Variants in GAPVD1 observed in about 807,000 individuals in gnomAD.
The protein encoded by GAPVD1 is GTPase activating protein and VPS9 domains 1, also known as GTPase-activating protein and VPS9 domain-containing protein 1.
A neutral mutation model predicts 155.5 loss-of-function variants in GAPVD1; 35 were observed. The observed-to-expected ratio is 0.23, with a 90% CI of 0.17 to 0.30. The LOEUF (loss-of-function observed/expected upper bound fraction) is 0.30. Among genes scored for constraint, GAPVD1 ranks in the 10% least tolerant of loss-of-function variants. The probability of loss-of-function intolerance (pLI) is 1.00; values close to 1 mark genes in which losing one functional copy is unlikely to be tolerated. For missense variants in GAPVD1, 1,429 were observed against 1,775.7 expected (o/e 0.80, Z 3.51); for synonymous variants, 636 against 619.7 (o/e 1.03, Z -0.39).
chr9:125,286,489 C>G (rs1290899338), intron 2 of GAPVD1, among the ~76,000 whole-genome samples: 1 of 150,838 alleles, frequency 6.6e-6, no homozygotes, highest in Non-Finnish European at 1.5e-5. Context: ...TTTTTTTTTA[C>G]TACAGAGAAA....
At chr9:125,311,128 A>G (rs1368638027) in intron 8 of GAPVD1, among the ~76,000 whole-genome samples, 1 of 152,132 alleles carries the variant, frequency 6.6e-6, no homozygotes, top group African/African-American at 2.4e-5. Flanking sequence ...GGTGTGAGCC[A>G]CTACACCCAG....
intron 1 of GAPVD1, chr9:125,263,528 GT>G (rs74902151): frequency 0.06 from 38,582 of 647,252 alleles, no homozygotes; most frequent in East Asian, 0.076. Context: ...AAGAACTGTT[GT>G]TTTTTTTTTT....
intron 25 of GAPVD1, among the ~76,000 whole-genome samples, chr9:125,356,505 CTTTT>C (rs749766488): frequency 2.3e-4 from 35 of 151,944 alleles, no homozygotes; most frequent in Middle Eastern, 3.4e-3. Context: ...TTTTTCTTTT[CTTTT>C]GAGACAGGGT....
At chr9:125,346,765 C>G (rs780602002) in intron 19 of GAPVD1, 54 bp from the exon 20 acceptor site, 1 of 1,378,082 alleles carries the variant, frequency 7.3e-7, no homozygotes, top group African/African-American at 1.4e-5. Flanking sequence ...ATACTAACAT[C>G]AGAGGTGGTA....
chr9:125,301,074 A>AT (rs201178663), intron 4 of GAPVD1, among the ~76,000 whole-genome samples: 3,092 of 144,336 alleles, frequency 0.021, 119 homozygotes, highest in East Asian at 0.093. Context: ...ACTGTAGCTG[A>AT]TTTTTTTTTT....
intron 2 of GAPVD1, among the ~76,000 whole-genome samples, chr9:125,270,447 G>T (rs1005326337): frequency 6.6e-6 from 1 of 151,810 alleles, no homozygotes; most frequent in Admixed American, 6.6e-5. Context: ...AAAAACAAAA[G>T]AATCTTTCCT....
chr9:125,301,968 T>C lies in GAPVD1; in HGVS notation c.186-15T>C, dbSNP rs752579380. 3.5e-6 allele frequency: 5 copies of C among 1,432,222 alleles called. No homozygotes were observed. The South Asian group carries it at 5.8e-5, about 17-fold the overall frequency. The allele number at this position is 1,432,222 out of a possible 1,614,324, so 88.7% of individuals were successfully genotyped here. On this transcript the variant is annotated splice_polypyrimidine_tract_variant and intron_variant, in intron 4 of 27. Transcript: ENST00000297933. ...TATTATTTTGCTTGTTTGCTCTTTT[T>C]TTTTTTTTTTTTAGTGCTGAAGCTT...
At chr9:125,361,411 C>G (rs1433203658) in intron 27 of GAPVD1, among the ~76,000 whole-genome samples, 1 of 151,850 alleles carries the variant, frequency 6.6e-6, no homozygotes, top group Non-Finnish European at 1.5e-5. Flanking sequence ...GTAATCGCAG[C>G]TACTTGGAAG....
rs34644117 is a variant in GAPVD1 at position 125,298,481 on chromosome 9, ATTTTTTT to A, written c.-32-389_-32-383del. On this transcript the variant is annotated intron_variant, in intron 3 of 27. Coordinates refer to ENST00000297933, the MANE Select transcript of GAPVD1 (RefSeq NM_001282680.3). ...TAAAAGTGGCATCAAATGTAACCTA[ATTTTTTT>A]TTTTTTTTTTTTTTTTTTTGAGAAC... 6.8e-4 allele frequency among the ~76,000 whole-genome samples: 61 copies of A among 89,264 alleles called. 1 individual carries two copies. Among genetic ancestry groups the A allele is most frequent in the South Asian group, 2.5e-3 (6 of 2,408 alleles). The allele number at this position is 89,264 out of a possible 152,430, so 58.6% of individuals were successfully genotyped here. A position where few individuals can be genotyped will look rare whatever the true frequency, so the allele number is the denominator to read the frequency against.
chr9:125,293,871 TATATA>T (rs1423107167), intron 2 of GAPVD1, among the ~76,000 whole-genome samples: 9 of 90,194 alleles, frequency 1.0e-4, no homozygotes, highest in East Asian at 5.6e-4. Context: ...TATATATATA[TATATA>T]TATATATATA....
intron 2 of GAPVD1, among the ~76,000 whole-genome samples, chr9:125,291,418 A>G (rs1370261930): frequency 6.6e-6 from 1 of 152,230 alleles, no homozygotes; most frequent in Admixed American, 6.5e-5. Flanking sequence ...TTGAGGGTGC[A>G]TTCAAGGAAG....
intron 6 of GAPVD1, 21 bp downstream of exon 6, chr9:125,305,170 T>C (rs1386338499): frequency 2.0e-6 from 3 of 1,521,652 alleles, no homozygotes; most frequent in African/African-American, 2.7e-5. Flanking sequence ...ATATGATTTA[T>C]AGAAAATTCT....
At chr9:125,266,560 G>A (rs1226894329) in intron 1 of GAPVD1, among the ~76,000 whole-genome samples, 1 of 151,940 alleles carries the variant, frequency 6.6e-6, no homozygotes, top group South Asian at 2.1e-4. Context: ...TGATCCACCT[G>A]CCTCGGCCTC....
chr9:125,302,001 T>C lies in GAPVD1; in HGVS notation c.204T>C (p.Ala68=), dbSNP rs781599774. ...TTTTTAGTGCTGAAGCTTCCCCTGC[T>C]GAATGTTGCCAACATGCCAAAATTT... ...LIITSAEASP[A]ECCQHAKILE... is the part of the protein sequence containing the mutation. The change falls in exon 5 of 28, where the codon GCT becomes GCC. Residue 68 remains alanine (A), a synonymous_variant. Transcript: ENST00000297933. 6 of 1,588,818 alleles carry C rather than the reference T, an allele frequency of 3.8e-6. No homozygotes were observed. Among genetic ancestry groups the C allele is most frequent in the Non-Finnish European group, 5.1e-6 (6 of 1,169,424 alleles).
chr9:125,344,734 A>G (rs1848275664), intron 19 of GAPVD1, among the ~76,000 whole-genome samples: 1 of 151,844 alleles, frequency 6.6e-6, no homozygotes, highest in South Asian at 2.1e-4. Flanking sequence ...CTGGAGGCCA[A>G]GAGTTTGGGG....
chr9:125,334,590 G>A (rs559087463), intron 15 of GAPVD1, among the ~76,000 whole-genome samples: 5 of 152,064 alleles, frequency 3.3e-5, no homozygotes, highest in African/African-American at 1.2e-4. Flanking sequence ...TGGGTATTTG[G>A]CAGACATCTC....
At chr9:125,303,466 C>A (rs974720776) in intron 5 of GAPVD1, among the ~76,000 whole-genome samples, 33 of 149,176 alleles carry the variant, frequency 2.2e-4, no homozygotes, top group Middle Eastern at 3.6e-3. Context: ...CCCCCAACTG[C>A]CCCATATCTA....
At position 125,332,699 on chromosome 9, in the gene GAPVD1, TTGC is replaced by T. The variant is rs561030300; in HGVS notation, c.2428+73_2428+75del. 446 of 1,289,178 alleles carry T rather than the reference TTGC, an allele frequency of 3.5e-4. 4 individuals carry two copies. In the East Asian group the frequency reaches 7.7e-3, roughly 22 times the overall value. 79.9% of individuals were successfully genotyped at this position (1,289,178 alleles called of 1,614,324 possible). ...TGGTTGAAACTGGCACTGTGACACA[TTGC>T]TGGTGACAGCATCTGTTGGTATAGC... On this transcript the variant is annotated intron_variant, in intron 15 of 27. Transcript: ENST00000297933.
intron 2 of GAPVD1, among the ~76,000 whole-genome samples, chr9:125,285,667 G>T (rs1837563235): frequency 2.0e-5 from 3 of 151,592 alleles, no homozygotes; most frequent in Non-Finnish European, 4.4e-5. Flanking sequence ...TGCCATGTTG[G>T]CCAGGCTGGT....
Sources: gnomAD v4.1 joint callset for allele counts (sites outside exome capture counted in the v4.1 genomes callset) on GRCh38, gnomAD v4.1.1 for gene constraint, MANE v1.5 for transcripts, NCBI Gene and HGNC (gene_info 2026-07-23, HGNC 2026-07-21) for gene names.